CPAP: variants seen among roughly 807,000 people sequenced by gnomAD.
CPAP encodes the protein centrosomal P4.1-associated protein.
At chr13:24,903,898 T>C in the CPAP span, 1 of 1,613,074 alleles carries the variant, frequency 6.2e-7, no homozygotes, top group Non-Finnish European at 8.5e-7. Context: ...ACTGCATATT[T>C]TTTCCCAACT....
chr13:24,905,601 GAAC>G, the CPAP span: 19 of 1,614,140 alleles, frequency 1.2e-5, no homozygotes, highest in African/African-American at 2.7e-5. Context: ...TCATTCCCAA[GAAC>G]AACATCATGG....
At chr13:24,918,440 T>G in the CPAP span, among the ~76,000 whole-genome samples, 2 of 152,224 alleles carry the variant, frequency 1.3e-5, no homozygotes, top group Admixed American at 1.3e-4. Context: ...CAACTCCCCA[T>G]GCAACCGAAA....
chr13:24,901,803 G>A, the CPAP span, among the ~76,000 whole-genome samples: 1 of 152,110 alleles, frequency 6.6e-6, no homozygotes, highest in Admixed American at 6.5e-5. Context: ...ACCAGCCTGG[G>A]GAACATGGCA....
At chr13:24,888,134 A>G in the CPAP span, among the ~76,000 whole-genome samples, 1 of 152,224 alleles carries the variant, frequency 6.6e-6, no homozygotes, top group Non-Finnish European at 1.5e-5. Flanking sequence ...CAAGATGTGA[A>G]TGCAAAAGCG....
At chr13:24,915,911 T>C in the CPAP span, among the ~76,000 whole-genome samples, 1 of 152,122 alleles carries the variant, frequency 6.6e-6, no homozygotes, top group African/African-American at 2.4e-5. Flanking sequence ...TTAAATGCTG[T>C]GAAACAGATG....
the CPAP span, chr13:24,904,077 A>G: frequency 2.0e-5 from 32 of 1,613,236 alleles, no homozygotes; most frequent in South Asian, 3.4e-4. Context: ...TAGGCCATAA[A>G]TACTGAACTT....
the CPAP span, among the ~76,000 whole-genome samples, chr13:24,929,353 C>T: frequency 9.9e-5 from 15 of 152,208 alleles, no homozygotes; most frequent in African/African-American, 2.2e-4. Context: ...TGAGTTACTG[C>T]GCCTGTCATC....
At chr13:24,908,317 G>A in the CPAP span, among the ~76,000 whole-genome samples, 4 of 151,812 alleles carry the variant, frequency 2.6e-5, no homozygotes, top group South Asian at 2.1e-4. Context: ...AGACACTTGA[G>A]GCCGGGTGTG....
the CPAP span, among the ~76,000 whole-genome samples, chr13:24,915,852 C>T: frequency 1.3e-5 from 2 of 152,172 alleles, no homozygotes; most frequent in African/African-American, 4.8e-5. Flanking sequence ...AAAAGTGTAG[C>T]GTCCTTGAGG....
chr13:24,932,992 G>T, the CPAP span: 1 of 1,559,098 alleles, frequency 6.4e-7, no homozygotes, highest in Non-Finnish European at 8.8e-7. Flanking sequence ...TAAAAACTTT[G>T]TTTCCTACAG....
the CPAP span, chr13:24,892,974 G>A: frequency 4.7e-6 from 4 of 845,636 alleles, no homozygotes; most frequent in Non-Finnish European, 7.7e-6. Context: ...AGCAAGAAAG[G>A]GAAGGCTTAG....
At chr13:24,928,506 C>T in the CPAP span, among the ~76,000 whole-genome samples, 1 of 152,258 alleles carries the variant, frequency 6.6e-6, no homozygotes. Context: ...TCTTGGCTCA[C>T]TGCAGCCTCC....
chr13:24,903,530 T>C, the CPAP span, among the ~76,000 whole-genome samples: 3 of 152,226 alleles, frequency 2.0e-5, no homozygotes, highest in African/African-American at 7.2e-5. Flanking sequence ...TGGCCCGCCT[T>C]GCTGATGCCC....
At chr13:24,933,061 C>T in the CPAP span, 13 of 1,587,332 alleles carry the variant, frequency 8.2e-6, no homozygotes, top group East Asian at 2.2e-5. Flanking sequence ...GTACTTACCT[C>T]GGCAGCAGAA....
chr13:24,889,559 C>T, the CPAP span, among the ~76,000 whole-genome samples: 1 of 152,138 alleles, frequency 6.6e-6, no homozygotes, highest in African/African-American at 2.4e-5. Flanking sequence ...AAGCTGTTAT[C>T]TAGGAATCAC....
the CPAP span, among the ~76,000 whole-genome samples, chr13:24,919,873 C>G: frequency 6.6e-6 from 1 of 152,194 alleles, no homozygotes; most frequent in East Asian, 1.9e-4. Context: ...AGGTGATCCT[C>G]CCATCTCAGC....
chr13:24,895,027 A>C, the CPAP span, among the ~76,000 whole-genome samples: 1 of 152,326 alleles, frequency 6.6e-6, no homozygotes, highest in Non-Finnish European at 1.5e-5. Context: ...GAAAGCTCAG[A>C]GGCAAGGCCT....
the CPAP span, chr13:24,884,146 G>C: frequency 6.2e-7 from 1 of 1,613,788 alleles, no homozygotes; most frequent in Non-Finnish European, 8.5e-7. Context: ...ATGAGAGGGT[G>C]GAGCAAGTTT....
the CPAP span, chr13:24,933,655 T>C: frequency 6.6e-6 from 1 of 152,594 alleles, no homozygotes; most frequent in Non-Finnish European, 1.5e-5. Context: ...ATTGAACTTG[T>C]AGGCCTGGCA....
Sources: gnomAD v4.1 joint callset for allele counts (sites outside exome capture counted in the v4.1 genomes callset) on GRCh38, gnomAD v4.1.1 for gene constraint, MANE v1.5 for transcripts, NCBI Gene and HGNC (gene_info 2026-07-23, HGNC 2026-07-21) for gene names.